Variants in EFHC2 observed in about 807,000 individuals in gnomAD.
EFHC2 encodes the protein EF-hand domain-containing family member C2.
In EFHC2, 18 loss-of-function variants were observed where a neutral mutation model predicts 52.7. The ratio of observed to expected loss-of-function variants is 0.34; its 90% CI spans 0.24 to 0.51. EFHC2 has a LOEUF of 0.51. EFHC2 is among the 20% of genes least tolerant of loss of function. The probability of loss-of-function intolerance (pLI) is 0.97; values close to 1 mark genes in which losing one functional copy is unlikely to be tolerated. For missense variants in EFHC2, 513 were observed against 562.5 expected, an observed-to-expected ratio of 0.91 and a Z score of 0.89; for synonymous variants, 203 against 204.1, an observed-to-expected ratio of 0.99 and a Z score of 0.04.
At chrX:44,199,809 A>T (rs1364184407) in intron 11 of EFHC2, among the ~76,000 whole-genome samples, 1 of 112,147 alleles carries the variant, frequency 8.9e-6, no homozygotes, top group Non-Finnish European at 1.9e-5. Context: ...TCTTTCCAAA[A>T]GTGTATAATC....
chrX:44,268,861 T>C (rs1280681422), intron 3 of EFHC2, among the ~76,000 whole-genome samples: 1 of 111,775 alleles, frequency 8.9e-6, no homozygotes, highest in African/African-American at 3.3e-5. Context: ...TGTCATACTT[T>C]TAACCTTAAA....
At chrX:44,304,213 T>C (rs1418263573) in intron 2 of EFHC2, among the ~76,000 whole-genome samples, 1 of 112,136 alleles carries the variant, frequency 8.9e-6, no homozygotes, top group African/African-American at 3.2e-5. Context: ...TCCTAGGCCA[T>C]TAGATCCAGG....
intron 1 of EFHC2, among the ~76,000 whole-genome samples, chrX:44,324,079 C>T (rs2038038377): frequency 9.0e-6 from 1 of 111,225 alleles, no homozygotes; most frequent in African/African-American, 3.3e-5. Flanking sequence ...AGGAATCACG[C>T]AGCCTGAGAC....
chrX:44,213,325 C>T lies in EFHC2; in HGVS notation c.1751+16324G>A, dbSNP rs750751262. ...TCAACAACACTATGTCGATAAAAAG[C>T]GTCAAATTCTATAATATTTGAAGAG... On this transcript the variant is annotated intron_variant, in intron 11 of 14. Transcript: ENST00000420999. 5.4e-5 allele frequency among the ~76,000 whole-genome samples: 6 copies of T among 111,381 alleles called. No homozygotes were observed. In the East Asian group the frequency reaches 1.1e-3, roughly 21 times the overall value.
chrX:44,294,892 A>C (rs2037817062), intron 2 of EFHC2, among the ~76,000 whole-genome samples: 1 of 112,470 alleles, frequency 8.9e-6, no homozygotes, highest in Non-Finnish European at 1.9e-5. Context: ...AGCTCTGAGA[A>C]TTCAAAGCTA....
chrX:44,242,322 TA>T (rs756367057), intron 7 of EFHC2, 33 bp from the exon 8 acceptor site: 14 of 1,180,916 alleles, frequency 1.2e-5, no homozygotes, highest in Admixed American at 9.6e-5. Context: ...AAAACATCAA[TA>T]TTTTTTTTGC....
intron 11 of EFHC2, among the ~76,000 whole-genome samples, chrX:44,188,642 C>G (rs1033288304): frequency 1.8e-5 from 2 of 111,073 alleles, no homozygotes; most frequent in African/African-American, 3.3e-5. Context: ...GAGAAAGTAC[C>G]CCTCATCCAG....
intron 8 of EFHC2, among the ~76,000 whole-genome samples, chrX:44,240,215 C>T (rs2037349974): frequency 8.9e-6 from 1 of 112,042 alleles, no homozygotes; most frequent in Admixed American, 9.4e-5. Context: ...GCCGAATGTG[C>T]TAGTTACTAT....
At chrX:44,312,185 A>G (rs1401574793) in intron 2 of EFHC2, among the ~76,000 whole-genome samples, 1 of 112,327 alleles carries the variant, frequency 8.9e-6, no homozygotes, top group Non-Finnish European at 1.9e-5. Context: ...GTATAACACA[A>G]TGACTATAGC....
intron 2 of EFHC2, 121 bp downstream of exon 2, chrX:44,312,447 G>A: frequency 1.4e-5 from 7 of 485,852 alleles, no homozygotes; most frequent in South Asian, 6.8e-5. Flanking sequence ...AAGTAGAAAA[G>A]GCAAAAAGAA....
intron 1 of EFHC2, among the ~76,000 whole-genome samples, chrX:44,331,719 C>T (rs1019200912): frequency 9.0e-6 from 1 of 111,562 alleles, no homozygotes; most frequent in South Asian, 3.7e-4. Flanking sequence ...GAGTTCGAGA[C>T]CAGCCTGGGC....
At chrX:44,343,172 T>C (rs1417407156) in intron 1 of EFHC2, among the ~76,000 whole-genome samples, 1 of 110,665 alleles carries the variant, frequency 9.0e-6, no homozygotes, top group Non-Finnish European at 1.9e-5. Context: ...GTGCCTCAGT[T>C]TCCTCAATAG....
In EFHC2 at chrX:44,197,000, C is replaced by T. The variant is rs2036970476; in HGVS notation, c.1752-18436G>A. ...ATGTAATTCTGGGTACATTCCTTAA[C>T]CTCTCTGCTTCTTAGTTTCCTCATC... On this transcript the variant is annotated intron_variant, in intron 11 of 14. Transcript: ENST00000420999. Among the ~76,000 whole-genome samples, 3 of 112,004 alleles carry T rather than the reference C, an allele frequency of 2.7e-5. No homozygotes were observed. The South Asian group carries it at 1.1e-3, about 42-fold the overall frequency.
chrX:44,171,052 C>T (rs889091675), intron 13 of EFHC2, among the ~76,000 whole-genome samples: 3 of 111,999 alleles, frequency 2.7e-5, no homozygotes, highest in Non-Finnish European at 3.8e-5. Context: ...CTGATACTTG[C>T]GAATCCACCA....
At chrX:44,322,109 A>C (rs2038024550) in intron 1 of EFHC2, among the ~76,000 whole-genome samples, 1 of 107,939 alleles carries the variant, frequency 9.3e-6, no homozygotes. Context: ...TAGAACAGAG[A>C]ATAAAATGTT....
chrX:44,150,967 A>G (rs1274924743), intron 14 of EFHC2, among the ~76,000 whole-genome samples: 1 of 110,992 alleles, frequency 9.0e-6, no homozygotes, highest in South Asian at 3.9e-4. Flanking sequence ...CCTCCCTATA[A>G]AAAGACAGCC....
At chrX:44,284,651 G>T in intron 2 of EFHC2, 1 of 111,817 alleles carries the variant, frequency 8.9e-6, no homozygotes, top group Admixed American at 9.5e-5. Context: ...TGACAAGAGG[G>T]TGACTGTTAA....
intron 14 of EFHC2, among the ~76,000 whole-genome samples, chrX:44,155,271 T>C (rs2036598333): frequency 9.0e-6 from 1 of 111,660 alleles, no homozygotes; most frequent in African/African-American, 3.3e-5. Context: ...TGGCAATAAA[T>C]TACTCGTTCA....
intron 1 of EFHC2, among the ~76,000 whole-genome samples, chrX:44,332,280 G>A (rs2038091662): frequency 9.0e-6 from 1 of 111,457 alleles, no homozygotes; most frequent in South Asian, 3.8e-4. Context: ...AAGAAGAAAA[G>A]GTAGTCTAAA....
Sources: gnomAD v4.1 joint callset for allele counts (sites outside exome capture counted in the v4.1 genomes callset) on GRCh38, gnomAD v4.1.1 for gene constraint, MANE v1.5 for transcripts, NCBI Gene and HGNC (gene_info 2026-07-23, HGNC 2026-07-21) for gene names.